The following FHIT variants were observed in gnomAD, a reference collection of about 807,000 sequenced individuals.
FHIT encodes bis(5'-adenosyl)-triphosphatase.
In FHIT, 19 loss-of-function variants were observed where a neutral mutation model predicts 17.9. The observed-to-expected ratio is 1.06, with a 90% CI of 0.74 to 1.56. The LOEUF is 1.56. Ranked by LOEUF, FHIT falls within the 40% of genes most tolerant of loss-of-function variation. The pLI is 0.00. For synonymous variants in FHIT, 81 were observed against 69.7 expected, an observed-to-expected ratio of 1.16 and a Z score of -0.81; for missense variants, 248 against 189.2, an observed-to-expected ratio of 1.31 and a Z score of -1.82.
chr3:60,880,798 A>G (rs1475327014), intron 3 of FHIT, among the ~76,000 whole-genome samples: 4 of 152,350 alleles, frequency 2.6e-5, no homozygotes, highest in East Asian at 1.9e-4. Flanking sequence ...AGAAAAAAAG[A>G]GAAAAGAAGC....
chr3:61,043,347 G>C (rs1354243534), intron 2 of FHIT, among the ~76,000 whole-genome samples: 1 of 152,206 alleles, frequency 6.6e-6, no homozygotes, highest in South Asian at 2.1e-4. Context: ...AGCTCGGAGG[G>C]TCCCACGCCC....
At chr3:60,057,006 G>C (rs1264260897) in intron 5 of FHIT, among the ~76,000 whole-genome samples, 1 of 152,048 alleles carries the variant, frequency 6.6e-6, no homozygotes, top group Non-Finnish European at 1.5e-5. Context: ...TGGGAACTTG[G>C]GATGCTTTTT....
intron 8 of FHIT, among the ~76,000 whole-genome samples, chr3:59,795,425 A>C (rs1304578601): frequency 6.6e-6 from 1 of 151,616 alleles, no homozygotes; most frequent in Non-Finnish European, 1.5e-5. Flanking sequence ...TCTTATTTTT[A>C]TATAAAATAA....
At chr3:60,332,363 G>T (rs902561463) in intron 5 of FHIT, among the ~76,000 whole-genome samples, 1 of 152,182 alleles carries the variant, frequency 6.6e-6, no homozygotes, top group Non-Finnish European at 1.5e-5. Flanking sequence ...AGGTATGCTT[G>T]GCTATAGAGT....
chr3:60,925,801 G>A (rs1338972900), intron 3 of FHIT, among the ~76,000 whole-genome samples: 2 of 152,144 alleles, frequency 1.3e-5, no homozygotes, highest in African/African-American at 4.8e-5. Context: ...TCAGTGTGCT[G>A]TATTCAGACC....
intron 4 of FHIT, among the ~76,000 whole-genome samples, chr3:60,754,918 T>C (rs527959366): frequency 2.0e-5 from 3 of 152,330 alleles, no homozygotes; most frequent in Non-Finnish European, 2.9e-5. Flanking sequence ...CAAGAAAGTA[T>C]ATTAGATTGC....
At chr3:60,498,145 C>T (rs1371802303) in intron 5 of FHIT, among the ~76,000 whole-genome samples, 4 of 152,234 alleles carry the variant, frequency 2.6e-5, no homozygotes, top group Non-Finnish European at 5.9e-5. Context: ...GCCATAGTTT[C>T]GCCAACACCA....
intron 8 of FHIT, among the ~76,000 whole-genome samples, chr3:59,908,144 G>A (rs1575677478): frequency 1.3e-5 from 2 of 152,186 alleles, no homozygotes; most frequent in East Asian, 3.8e-4. Context: ...GGCACCATTT[G>A]GGAGGCTATT....
chr3:60,471,209 C>G (rs1221002476), intron 5 of FHIT, among the ~76,000 whole-genome samples: 1 of 152,276 alleles, frequency 6.6e-6, no homozygotes, highest in South Asian at 2.1e-4. Flanking sequence ...CAAGCACTCC[C>G]TTCACCAGCT....
intron 5 of FHIT, among the ~76,000 whole-genome samples, chr3:60,458,261 G>A (rs2032239000): frequency 6.6e-6 from 1 of 152,116 alleles, no homozygotes; most frequent in African/African-American, 2.4e-5. Context: ...CCATAAAAAT[G>A]ATGAGTTCAT....
At chr3:60,048,149 G>A (rs957477309) in intron 5 of FHIT, among the ~76,000 whole-genome samples, 3 of 152,034 alleles carry the variant, frequency 2.0e-5, no homozygotes, top group Non-Finnish European at 4.4e-5. Context: ...GGGACCCACC[G>A]TAATGGTTTC....
chr3:60,124,025 G>T (rs866697633), intron 5 of FHIT, among the ~76,000 whole-genome samples: 12 of 53,532 alleles, frequency 2.2e-4, no homozygotes, highest in Non-Finnish European at 3.4e-4. Flanking sequence ...GAGAGAGAGA[G>T]AGAGAGAGAG....
At chr3:60,242,606 C>G (rs1381530429) in intron 5 of FHIT, among the ~76,000 whole-genome samples, 1 of 152,014 alleles carries the variant, frequency 6.6e-6, no homozygotes, top group African/African-American at 2.4e-5. Context: ...GCTTAGATAA[C>G]TCCAATACCT....
chr3:60,094,155 CAG>C (rs1433735785), intron 5 of FHIT, among the ~76,000 whole-genome samples: 1 of 152,194 alleles, frequency 6.6e-6, no homozygotes, highest in Admixed American at 6.5e-5. Context: ...TACCCACTAA[CAG>C]ACTTTTCCCC....
chr3:60,287,637 G>C (rs1329617666), intron 5 of FHIT, among the ~76,000 whole-genome samples: 1 of 152,120 alleles, frequency 6.6e-6, no homozygotes, highest in East Asian at 1.9e-4. Context: ...GAATTTAAGG[G>C]GATCAAGTGT....
At chr3:60,693,108 A>AT (rs1282585111) in intron 4 of FHIT, among the ~76,000 whole-genome samples, 4 of 152,158 alleles carry the variant, frequency 2.6e-5, no homozygotes, top group Non-Finnish European at 4.4e-5. Flanking sequence ...TTTTTGGCAT[A>AT]TATCTTCTTG....
intron 5 of FHIT, among the ~76,000 whole-genome samples, chr3:60,430,464 G>A: frequency 6.6e-6 from 1 of 151,880 alleles, no homozygotes; most frequent in Non-Finnish European, 1.5e-5. Flanking sequence ...TTCTTACACA[G>A]CCTATCCCAT....
At chr3:61,187,224 G>A (rs1237513090) in intron 2 of FHIT, among the ~76,000 whole-genome samples, 2 of 152,158 alleles carry the variant, frequency 1.3e-5, no homozygotes, top group African/African-American at 2.4e-5. Flanking sequence ...AAGGAACTAA[G>A]GAACTAATGA....
chr3:60,711,898 A>G (rs1422975067), intron 4 of FHIT, among the ~76,000 whole-genome samples: 8 of 152,206 alleles, frequency 5.3e-5, no homozygotes, highest in South Asian at 2.1e-4. Flanking sequence ...GCAGGCCAAC[A>G]TTCAGATTCA....
Sources: allele counts gnomAD v4.1 joint callset (sites outside exome capture counted in the v4.1 genomes callset), GRCh38; gene constraint gnomAD v4.1.1; transcripts MANE v1.5; gene names NCBI Gene and HGNC (gene_info 2026-07-23, HGNC 2026-07-21).